The following CIB4 variants were observed in gnomAD, a reference collection of about 807,000 sequenced individuals.
The protein encoded by CIB4 is calcium and integrin binding family member 4, also known as calcium and integrin-binding family member 4.
CIB4 carries 25 observed loss-of-function variants against 25.8 expected under a neutral mutation model. That is an observed-to-expected ratio of 0.97 (90% CI 0.71 to 1.35). The LOEUF (loss-of-function observed/expected upper bound fraction) is 1.35. CIB4 is among the 40% of genes most tolerant of loss of function. CIB4 has a pLI of 0.00. For missense variants in CIB4, 235 were observed against 228.2 expected (o/e 1.03, Z -0.19); for synonymous variants, 75 against 81.4 (o/e 0.92, Z 0.42).
intron 4 of CIB4, among the ~76,000 whole-genome samples, chr2:26,588,072 C>T (rs1668490066): frequency 6.6e-6 from 1 of 152,210 alleles, no homozygotes; most frequent in African/African-American, 2.4e-5. Context: ...GGCTCTGCTA[C>T]CACCTCCATG....
intron 1 of CIB4, 148 bp downstream of exon 1, chr2:26,641,113 G>A (rs1669627477): frequency 1.2e-5 from 9 of 720,842 alleles, no homozygotes; most frequent in South Asian, 1.2e-4. Context: ...TTTATGTGTG[G>A]CCCAAGACAA....
At chr2:26,624,654 A>G (rs1669265285) in intron 3 of CIB4, among the ~76,000 whole-genome samples, 1 of 148,054 alleles carries the variant, frequency 6.8e-6, no homozygotes. Flanking sequence ...CAAAACTGAA[A>G]GTTGGCATCT....
intron 2 of CIB4, among the ~76,000 whole-genome samples, chr2:26,632,976 C>T (rs1167146546): frequency 1.3e-5 from 2 of 151,902 alleles, no homozygotes; most frequent in Non-Finnish European, 2.9e-5. Flanking sequence ...GGGCTCCTGC[C>T]CCCACCACGG....
chr2:26,610,363 G>C (rs954488598), intron 3 of CIB4, among the ~76,000 whole-genome samples: 2 of 152,100 alleles, frequency 1.3e-5, no homozygotes, highest in Admixed American at 6.5e-5. Flanking sequence ...ACCAATAGCC[G>C]CCTCTCCCCC....
chr2:26,583,496 C>T (rs539895408), intron 5 of CIB4, among the ~76,000 whole-genome samples: 13 of 152,198 alleles, frequency 8.5e-5, no homozygotes, highest in African/African-American at 2.4e-4. Flanking sequence ...GGAGGCCCCT[C>T]GAGTGGGTGG....
At chr2:26,631,022 T>C (rs1038127886) in intron 2 of CIB4, among the ~76,000 whole-genome samples, 22 of 152,102 alleles carry the variant, frequency 1.4e-4, no homozygotes, top group African/African-American at 4.8e-4. Context: ...CCTGTTCCTC[T>C]CCTGTCTTCC....
At chr2:26,640,931 C>G (rs1304637056) in intron 1 of CIB4, among the ~76,000 whole-genome samples, 1 of 152,222 alleles carries the variant, frequency 6.6e-6, no homozygotes, top group African/African-American at 2.4e-5. Context: ...CGCTACCCCG[C>G]CTGGTAAACT....
intron 3 of CIB4, among the ~76,000 whole-genome samples, chr2:26,603,118 T>G (rs1668824125): frequency 6.6e-6 from 1 of 152,172 alleles, no homozygotes; most frequent in Non-Finnish European, 1.5e-5. Context: ...TTCTGTCTAA[T>G]TATGAGAAAA....
intron 3 of CIB4, among the ~76,000 whole-genome samples, chr2:26,613,067 C>T (rs1158878617): frequency 6.6e-6 from 1 of 152,192 alleles, no homozygotes; most frequent in Admixed American, 6.5e-5. Flanking sequence ...GGACTTTCAG[C>T]AGATGCAAGG....
At chr2:26,620,301 T>C (rs1230859204) in intron 3 of CIB4, among the ~76,000 whole-genome samples, 2 of 152,228 alleles carry the variant, frequency 1.3e-5, no homozygotes, top group African/African-American at 2.4e-5. Context: ...CTGGTAGCGC[T>C]GGAAATAGAG....
In CIB4 at chr2:26,581,319, T is replaced by C. The variant is rs1260332966; in HGVS notation, c.*44A>G. 2 of 1,576,084 alleles carry C rather than the reference T, an allele frequency of 1.3e-6. No individual in the cohort carries two copies. The highest frequency in any genetic ancestry group is 1.7e-6 in the Non-Finnish European group (2 of 1,145,528). Reference sequence around the variant, plus strand: ...CCAGTGCTGGAGGGGGTTCGATTCCTGTGGTCTCCCTCGAGGCTGCCATGT... The same window carrying C: ...CCAGTGCTGGAGGGGGTTCGATTCCCGTGGTCTCCCTCGAGGCTGCCATGT... On this transcript the variant is annotated 3_prime_UTR_variant, in exon 7 of 7. Coordinates refer to ENST00000288861, the MANE Select transcript of CIB4 (RefSeq NM_001029881.3).
intron 3 of CIB4, among the ~76,000 whole-genome samples, chr2:26,609,467 G>A (rs1451844333): frequency 2.0e-5 from 3 of 152,240 alleles, no homozygotes; most frequent in African/African-American, 7.2e-5. Flanking sequence ...GCAGATGTCA[G>A]TGAAGAGGCC....
intron 4 of CIB4, among the ~76,000 whole-genome samples, chr2:26,588,967 G>A (rs1484329682): frequency 2.1e-5 from 1 of 46,622 alleles, no homozygotes; most frequent in African/African-American, 8.8e-5. Context: ...TGCCGCTGCT[G>A]CCGCTTCTTC....
intron 3 of CIB4, chr2:26,623,763 T>C (rs182277409): frequency 5.1e-5 from 16 of 312,024 alleles, no homozygotes; most frequent in African/African-American, 3.5e-4. Context: ...CCCGCCAGTG[T>C]GCAGGCCTCC....
At chr2:26,586,050 C>G (rs1013245439) in intron 4 of CIB4, among the ~76,000 whole-genome samples, 4 of 152,184 alleles carry the variant, frequency 2.6e-5, no homozygotes, top group Non-Finnish European at 5.9e-5. Context: ...TGCACTACCC[C>G]ACCCTAGCCC....
At chr2:26,632,020 C>T (rs1669428634) in intron 2 of CIB4, among the ~76,000 whole-genome samples, 1 of 152,198 alleles carries the variant, frequency 6.6e-6, no homozygotes, top group Admixed American at 6.5e-5. Flanking sequence ...GCTGAGTGTG[C>T]CACCTGCTTC....
At chr2:26,605,957 T>C (rs755169450) in intron 3 of CIB4, among the ~76,000 whole-genome samples, 2 of 152,142 alleles carry the variant, frequency 1.3e-5, no homozygotes, top group Non-Finnish European at 2.9e-5. Context: ...CCACCTACCA[T>C]GCAGGCGGGG....
At chr2:26,600,426 A>G (rs1668760869) in intron 3 of CIB4, among the ~76,000 whole-genome samples, 1 of 152,222 alleles carries the variant, frequency 6.6e-6, no homozygotes, top group Non-Finnish European at 1.5e-5. Context: ...ATAAATAAAC[A>G]AATAAAGAAA....
intron 4 of CIB4, among the ~76,000 whole-genome samples, chr2:26,589,890 C>T (rs914020205): frequency 6.6e-6 from 1 of 152,114 alleles, no homozygotes; most frequent in African/African-American, 2.4e-5. Flanking sequence ...TCTCCTATCA[C>T]CTTTTCTTCC....
Sources: allele counts gnomAD v4.1 joint callset (sites outside exome capture counted in the v4.1 genomes callset), GRCh38; gene constraint gnomAD v4.1.1; transcripts MANE v1.5; gene names NCBI Gene and HGNC (gene_info 2026-07-23, HGNC 2026-07-21).